ANO2: variants seen among roughly 807,000 people sequenced by gnomAD.
ANO2 encodes the protein anoctamin-2.
A neutral mutation model predicts 124.2 loss-of-function variants in ANO2; 101 were observed. The ratio of observed to expected loss-of-function variants is 0.81; its 90% CI spans 0.69 to 0.96. ANO2 has a LOEUF of 0.96. ANO2 is among the 40% of genes least tolerant of loss of function. The pLI is 0.00. For synonymous variants in ANO2, 486 were observed against 482.5 expected (o/e 1.01, Z -0.09); for missense variants, 1,293 against 1,274.5 (o/e 1.01, Z -0.22).
intron 14 of ANO2, among the ~76,000 whole-genome samples, chr12:5,707,884 T>C (rs992359126): frequency 2.6e-5 from 4 of 152,214 alleles, no homozygotes; most frequent in Non-Finnish European, 5.9e-5. Flanking sequence ...GACATCCCAA[T>C]ATTGTCCACT....
chr12:5,924,988 T>A lies in ANO2; in HGVS notation c.23-2184A>T, dbSNP rs188455024. Among the ~76,000 whole-genome samples, 301 of 152,296 alleles carry A rather than the reference T, an allele frequency of 2.0e-3. 1 individual carries two copies. The highest frequency in any genetic ancestry group is 7.1e-3 in the African/African-American group (293 of 41,560). On this transcript the variant is annotated intron_variant, in intron 1 of 24. Transcript: ENST00000682330. ...TCTAAAAAAGGGGCTTCCTCCCTTG[T>A]GCCCAATCTCGCCTCCTCCCACTTC...
chr12:5,774,047 C>A (rs1249894403), intron 10 of ANO2, among the ~76,000 whole-genome samples: 2 of 152,196 alleles, frequency 1.3e-5, no homozygotes, highest in Admixed American at 6.5e-5. Context: ...AACTGAAAAG[C>A]AGCCAGAGAC....
At chr12:5,714,400 T>C (rs1366187202) in intron 14 of ANO2, among the ~76,000 whole-genome samples, 2 of 152,154 alleles carry the variant, frequency 1.3e-5, no homozygotes, top group African/African-American at 4.8e-5. Flanking sequence ...TGGCAGGTTA[T>C]ACACCACGCA....
chr12:5,735,319 A>G (rs573725024), intron 13 of ANO2, among the ~76,000 whole-genome samples: 49 of 152,202 alleles, frequency 3.2e-4, no homozygotes, highest in Admixed American at 1.0e-3. Context: ...CAGTCTCCCC[A>G]GGAGCCAGCT....
chr12:5,844,376 G>A (rs1299123933), intron 4 of ANO2, among the ~76,000 whole-genome samples: 4 of 152,130 alleles, frequency 2.6e-5, no homozygotes, highest in African/African-American at 2.4e-5. Context: ...CAGGCAAAGT[G>A]TACTACTGTA....
rs2137087196 is a variant in ANO2, at chr12:5,747,458, TA to T, written c.1191-3142del. ...CTTCTGATGAATTTACAATTATGTT[TA>T]AAAAACAGTTCCTCTGTTTTTAAAG... On this transcript the variant is annotated intron_variant, in intron 11 of 24. Coordinates refer to ENST00000682330, the MANE Select transcript of ANO2 (RefSeq NM_001364791.2). Among the ~76,000 whole-genome samples, 2 of 152,326 alleles carry T rather than the reference TA, an allele frequency of 1.3e-5. 1 individual carries two copies. Among genetic ancestry groups the T allele is most frequent in the South Asian group, 4.1e-4 (2 of 4,824 alleles).
chr12:5,805,581 C>T (rs1953165441), intron 9 of ANO2, among the ~76,000 whole-genome samples: 1 of 152,168 alleles, frequency 6.6e-6, no homozygotes, highest in Non-Finnish European at 1.5e-5. Flanking sequence ...CTAAAGTTGA[C>T]CCTCCAAAAG....
intron 23 of ANO2, among the ~76,000 whole-genome samples, chr12:5,573,017 G>T (rs1484916180): frequency 6.6e-6 from 1 of 152,128 alleles, no homozygotes; most frequent in Non-Finnish European, 1.5e-5. Flanking sequence ...ACAATACCTG[G>T]TGTCCTGGGC....
In ANO2 at chr12:5,676,936, C is replaced by T. The variant is rs370417661; in HGVS notation, c.1546-29135G>A. On this transcript the variant is annotated intron_variant, in intron 14 of 24. Coordinates refer to ENST00000682330, the MANE Select transcript of ANO2 (RefSeq NM_001364791.2). ...AGGCGTGGTGGTGCACACCTGTAATCCCAGCTACTTGGGAGGCTGAGACAG... is the reference window on the plus strand; with the variant it reads ...AGGCGTGGTGGTGCACACCTGTAATTCCAGCTACTTGGGAGGCTGAGACAG... Among the ~76,000 whole-genome samples the T allele has an allele frequency of 9.5e-4, 145 of 152,240 alleles. 1 individual carries two copies. The South Asian group carries it at 0.028, about 30-fold the overall frequency.
At chr12:5,612,629 G>A (rs373276932) in intron 19 of ANO2, 27 bp downstream of exon 19, 14 of 1,595,320 alleles carry the variant, frequency 8.8e-6, no homozygotes, top group Non-Finnish European at 1.1e-5. Flanking sequence ...GCAGCAAGGA[G>A]AGAGGTTAGA....
At chr12:5,801,127 C>T (rs920082553) in intron 9 of ANO2, among the ~76,000 whole-genome samples, 2 of 152,180 alleles carry the variant, frequency 1.3e-5, no homozygotes, top group Non-Finnish European at 2.9e-5. Context: ...GACCACTGGA[C>T]TCAGTGGCTT....
intron 10 of ANO2, among the ~76,000 whole-genome samples, chr12:5,798,144 A>C (rs1464112966): frequency 6.6e-6 from 1 of 152,090 alleles, no homozygotes; most frequent in African/African-American, 2.4e-5. Context: ...AGAGAGAAAG[A>C]TCAAAGCCCA....
chr12:5,884,896 C>T (rs1021811792), intron 3 of ANO2, among the ~76,000 whole-genome samples: 4 of 148,316 alleles, frequency 2.7e-5, no homozygotes, highest in South Asian at 2.1e-4. Context: ...AAAGCAAGAA[C>T]ACCCCCTGCC....
In ANO2 at chr12:5,746,297, T is replaced by C. The variant is rs376370810; in HGVS notation, c.1191-1980A>G. Among the ~76,000 whole-genome samples, 5 of 152,376 alleles carry C rather than the reference T, an allele frequency of 3.3e-5. No individual in the cohort carries two copies. The South Asian group carries it at 8.3e-4, about 25-fold the overall frequency. ...AGAGTGCAGGCAACTATCCATCATT[T>C]GTACAAGATGGCAGCCACCATGGTA... On this transcript the variant is annotated intron_variant, in intron 11 of 24. Transcript: ENST00000682330.
chr12:5,906,742 C>T (rs1940724963), intron 3 of ANO2, among the ~76,000 whole-genome samples: 1 of 151,814 alleles, frequency 6.6e-6, no homozygotes, highest in Non-Finnish European at 1.5e-5. Flanking sequence ...TTGCAGTGAG[C>T]CAAGATCGCA....
intron 14 of ANO2, among the ~76,000 whole-genome samples, chr12:5,704,573 A>C (rs934648745): frequency 4.6e-5 from 7 of 152,126 alleles, no homozygotes; most frequent in African/African-American, 1.7e-4. Flanking sequence ...CAGATTTGAC[A>C]GTTAAAAAAG....
At chr12:5,593,279 T>C (rs4930764) in intron 20 of ANO2, among the ~76,000 whole-genome samples, 37,722 of 152,096 alleles carry the variant, frequency 0.25, 5,564 homozygotes, top group Admixed American at 0.36. Context: ...GGGGGAAGGC[T>C]GTAAGGGAGA....
intron 3 of ANO2, among the ~76,000 whole-genome samples, chr12:5,889,959 C>G (rs1181973203): frequency 6.6e-6 from 1 of 152,194 alleles, no homozygotes; most frequent in African/African-American, 2.4e-5. Flanking sequence ...GGCAATGTGT[C>G]TGTAGACAAG....
At chr12:5,774,046 G>T (rs1343303228) in intron 10 of ANO2, among the ~76,000 whole-genome samples, 2 of 152,206 alleles carry the variant, frequency 1.3e-5, no homozygotes, top group Non-Finnish European at 2.9e-5. Context: ...AAACTGAAAA[G>T]CAGCCAGAGA....
Sources: allele counts gnomAD v4.1 joint callset (sites outside exome capture counted in the v4.1 genomes callset), GRCh38; gene constraint gnomAD v4.1.1; transcripts MANE v1.5; gene names NCBI Gene and HGNC (gene_info 2026-07-23, HGNC 2026-07-21).